The following SYNE1 variants were observed in gnomAD, a reference collection of about 807,000 sequenced individuals.
The protein encoded by SYNE1 is nesprin-1.
In SYNE1, 616 loss-of-function variants were observed where a neutral mutation model predicts 1,111.0. That is an observed-to-expected ratio of 0.55 (90% confidence interval 0.52 to 0.59). SYNE1 has a LOEUF of 0.59. Ranked by LOEUF, SYNE1 falls within the 20% of genes least tolerant of loss-of-function variation. The pLI is 0.00. For missense variants in SYNE1, 10,006 were observed against 10,417.0 expected (o/e 0.96, Z 1.72); for synonymous variants, 3,855 against 3,825.8 (o/e 1.01, Z -0.28).
chr6:152,264,858 C>T (rs1268253547), intron 100 of SYNE1, among the ~76,000 whole-genome samples: 1 of 151,862 alleles, frequency 6.6e-6, no homozygotes, highest in Non-Finnish European at 1.5e-5. Flanking sequence ...GGATATAATG[C>T]AGAGAATCTT....
At chr6:152,368,165 A>G (rs2097113549) in intron 61 of SYNE1, 1 of 152,642 alleles carries the variant, frequency 6.6e-6, no homozygotes, top group African/African-American at 2.4e-5. Flanking sequence ...CACTTACAGA[A>G]CAGATGAGGC....
chr6:152,581,919 T>C (rs1265738581), intron 3 of SYNE1, among the ~76,000 whole-genome samples: 3 of 152,294 alleles, frequency 2.0e-5, no homozygotes, highest in Non-Finnish European at 4.4e-5. Context: ...TTTCAGAGCT[T>C]GACTCTGATA....
intron 10 of SYNE1, among the ~76,000 whole-genome samples, chr6:152,499,493 C>T (rs1228566914): frequency 2.6e-5 from 4 of 151,766 alleles, no homozygotes; most frequent in Admixed American, 1.3e-4. Flanking sequence ...AAAATGAAAG[C>T]CTGGTAGATA....
intron 3 of SYNE1, among the ~76,000 whole-genome samples, chr6:152,602,193 G>A (rs564498796): frequency 1.3e-5 from 2 of 152,214 alleles, no homozygotes; most frequent in South Asian, 2.1e-4. Context: ...CTAACCTCCA[G>A]GACTTCAGAA....
At position 152,609,752 on chromosome 6, in the gene SYNE1, A is replaced by G. The variant is rs1028628901; in HGVS notation, c.67+18513T>C. On this transcript the variant is annotated intron_variant, in intron 3 of 145. Coordinates refer to ENST00000367255, the MANE Select transcript of SYNE1 (RefSeq NM_182961.4). ...ACAGACACCTCATATAGGCAGGTCT[A>G]TATGGGGATGAAGTTTCCAGGGGAA... Among the ~76,000 whole-genome samples, 5 of 152,224 alleles carry G rather than the reference A, an allele frequency of 3.3e-5. No individual in the cohort carries two copies. In the East Asian group the frequency reaches 5.8e-4, roughly 18 times the overall value.
At chr6:152,477,873 C>T (rs1471175545) in intron 14 of SYNE1, among the ~76,000 whole-genome samples, 1 of 152,172 alleles carries the variant, frequency 6.6e-6, no homozygotes, top group Non-Finnish European at 1.5e-5. Flanking sequence ...TCAAGCAATC[C>T]TCCTGCCTCA....
At chr6:152,465,640 CT>C (rs2098759970) in intron 17 of SYNE1, among the ~76,000 whole-genome samples, 180 bp from the exon 18 acceptor site, 1 of 152,060 alleles carries the variant, frequency 6.6e-6, no homozygotes, top group African/African-American at 2.4e-5. Context: ...CAAATTGTGT[CT>C]TTACACTAAT....
At chr6:152,627,515 G>T (rs58470376) in intron 3 of SYNE1, among the ~76,000 whole-genome samples, 1 of 149,606 alleles carries the variant, frequency 6.7e-6, no homozygotes, top group Non-Finnish European at 1.5e-5. Context: ...AAAATTAGCC[G>T]GGCATGGTGG....
At position 152,174,048 on chromosome 6, in the gene SYNE1, T is replaced by A. The variant is rs567454372; in HGVS notation, c.23627+2346A>T. On this transcript the variant is annotated intron_variant, in intron 130 of 145. Transcript: ENST00000367255. ...ATACACTAAGTTAGCTGCTTATGAC[T>A]AGATTACATTAAATCTGATTTAAAA... Among the ~76,000 whole-genome samples, 7 of 152,338 alleles carry A rather than the reference T, an allele frequency of 4.6e-5. No individual in the cohort carries two copies. The South Asian group carries it at 1.4e-3, about 32-fold the overall frequency.
At chr6:152,242,874 A>G (rs1312333271) in intron 106 of SYNE1, among the ~76,000 whole-genome samples, 1 of 152,224 alleles carries the variant, frequency 6.6e-6, no homozygotes, top group Non-Finnish European at 1.5e-5. Context: ...TATTCAATAA[A>G]TAATGTGGAA....
At chr6:152,636,568 G>T (rs531696826) in intron 2 of SYNE1, 70 bp downstream of exon 2, 1 of 153,034 alleles carries the variant, frequency 6.5e-6, no homozygotes, top group African/African-American at 2.4e-5. Flanking sequence ...CAATGTGTTC[G>T]TCTTGCACCT....
chr6:152,611,786 C>A (rs1006075563), intron 3 of SYNE1, among the ~76,000 whole-genome samples: 5 of 151,910 alleles, frequency 3.3e-5, no homozygotes, highest in Non-Finnish European at 7.4e-5. Flanking sequence ...AGAGAAATCA[C>A]AACAAACTGT....
chr6:152,408,682 G>T (rs1016190111), intron 44 of SYNE1, among the ~76,000 whole-genome samples: 6 of 152,084 alleles, frequency 3.9e-5, no homozygotes, highest in Admixed American at 1.3e-4. Flanking sequence ...AGCTGGGTGC[G>T]GTGGCTCACA....
intron 61 of SYNE1, chr6:152,368,371 T>C (rs954299087): frequency 1.3e-5 from 2 of 153,310 alleles, no homozygotes; most frequent in Non-Finnish European, 2.9e-5. Context: ...CCATTTATTT[T>C]CTTCTAAGCT....
At chr6:152,589,767 A>G (rs1313675803) in intron 3 of SYNE1, among the ~76,000 whole-genome samples, 1 of 152,150 alleles carries the variant, frequency 6.6e-6, no homozygotes, top group Non-Finnish European at 1.5e-5. Flanking sequence ...TGAAACATTA[A>G]TGCAAAATGA....
chr6:152,513,833 AC>A (rs1467981089), intron 6 of SYNE1, among the ~76,000 whole-genome samples: 1 of 152,194 alleles, frequency 6.6e-6, no homozygotes, highest in Admixed American at 6.5e-5. Context: ...ATGAGCAGAC[AC>A]TTCTCAAAAG....
At chr6:152,476,050 T>C (rs1286971364) in intron 14 of SYNE1, among the ~76,000 whole-genome samples, 1 of 152,218 alleles carries the variant, frequency 6.6e-6, no homozygotes, top group African/African-American at 2.4e-5. Flanking sequence ...CTGGATTCCC[T>C]CCAGGATCAG....
chr6:152,453,468 G>A (rs778343236), intron 25 of SYNE1, 118 bp downstream of exon 25: 37 of 1,490,088 alleles, frequency 2.5e-5, no homozygotes, highest in East Asian at 4.5e-5. Flanking sequence ...TTAAATGAGC[G>A]AAATAGTTAC....
rs1564111027 is a variant in SYNE1, at chr6:152,450,582, TAA to T, written c.3395+41_3395+42del. The T allele has an allele frequency of 2.0e-6, 3 of 1,500,168 alleles. No individual in the cohort carries two copies. The East Asian group carries it at 6.8e-5, about 34-fold the overall frequency. 92.9% of individuals were successfully genotyped at this position (1,500,168 alleles called of 1,614,324 possible). ...GTCATGATCTCCGAACTAACAGAATTAAGTTTGACTACACCCCTCTCTGGAGG... is the reference window on the plus strand; with the variant it reads ...GTCATGATCTCCGAACTAACAGAATTGTTTGACTACACCCCTCTCTGGAGG... On this transcript the variant is annotated intron_variant, in intron 27 of 145. Coordinates refer to ENST00000367255, the MANE Select transcript of SYNE1 (RefSeq NM_182961.4).
Sources: allele counts gnomAD v4.1 joint callset (sites outside exome capture counted in the v4.1 genomes callset), GRCh38; gene constraint gnomAD v4.1.1; transcripts MANE v1.5; gene names NCBI Gene and HGNC (gene_info 2026-07-23, HGNC 2026-07-21).